The following DUSP16 variants were observed in gnomAD, a reference collection of about 807,000 sequenced individuals.
DUSP16 encodes dual specificity phosphatase 16, also known as dual specificity protein phosphatase 16.
A neutral mutation model predicts 58.3 loss-of-function variants in DUSP16; 21 were observed. That is an observed-to-expected ratio of 0.36 (90% CI 0.26 to 0.52). DUSP16 has a LOEUF of 0.52. Ranked by LOEUF, DUSP16 falls within the 20% of genes least tolerant of loss-of-function variation. DUSP16 has a pLI of 0.94. For missense variants in DUSP16, 726 were observed against 819.0 expected (o/e 0.89, Z 1.39); for synonymous variants, 320 against 323.8 (o/e 0.99, Z 0.12).
Position 12,486,572 on chromosome 12 carries a change from T to A in DUSP16, c.691+456A>T, listed in dbSNP as rs559154554. Reference sequence around the variant, plus strand: ...AAATTATTGGCATGTGGACCCCGGCTCAGAAACACTGACATAAAGACTTAA... The same window carrying A: ...AAATTATTGGCATGTGGACCCCGGCACAGAAACACTGACATAAAGACTTAA... On this transcript the variant is annotated intron_variant, in intron 5 of 6. Transcript: ENST00000298573. 9.2e-5 allele frequency among the ~76,000 whole-genome samples: 14 copies of A among 151,710 alleles called. No homozygotes were observed. In the East Asian group the frequency reaches 2.5e-3, roughly 27 times the overall value.
intron 1 of DUSP16, among the ~76,000 whole-genome samples, chr12:12,558,906 G>C (rs1180110874): frequency 1.3e-5 from 2 of 151,948 alleles, no homozygotes; most frequent in African/African-American, 4.8e-5. Context: ...CTTTGTACCT[G>C]TCCAAGGTAA....
chr12:12,558,576 G>T lies in DUSP16; in HGVS notation c.-366+3541C>A, dbSNP rs73275143. Reference sequence around the variant, plus strand: ...ATTTTTTGATTTTCTGTGGAAACAAGGTCTTTGTTGCCAGGGCTGTTCTCA... The same window carrying T: ...ATTTTTTGATTTTCTGTGGAAACAATGTCTTTGTTGCCAGGGCTGTTCTCA... On this transcript the variant is annotated intron_variant, in intron 1 of 6. Transcript: ENST00000298573. Among the ~76,000 whole-genome samples, 605 of 152,104 alleles carry T rather than the reference G, an allele frequency of 4.0e-3. 9 individuals are homozygous for T. Among genetic ancestry groups the T allele is most frequent in the African/African-American group, 0.014 (570 of 41,500 alleles).
At chr12:12,523,695 A>G (rs1248776567) in intron 1 of DUSP16, among the ~76,000 whole-genome samples, 1 of 152,248 alleles carries the variant, frequency 6.6e-6, no homozygotes. Flanking sequence ...AAACTTCTGC[A>G]AAGCGCCTAC....
chr12:12,501,525 T>C (rs1404658670), intron 3 of DUSP16, among the ~76,000 whole-genome samples: 2 of 152,114 alleles, frequency 1.3e-5, no homozygotes, highest in South Asian at 2.1e-4. Context: ...AAAGAAAAAA[T>C]GAGTAAGGTT....
At chr12:12,532,902 C>T (rs1360995872) in intron 1 of DUSP16, among the ~76,000 whole-genome samples, 6 of 149,734 alleles carry the variant, frequency 4.0e-5, no homozygotes, top group Non-Finnish European at 5.9e-5. Flanking sequence ...GAGCCGGGAT[C>T]GCTCCATTGC....
chr12:12,499,420 A>G (rs938452310), intron 4 of DUSP16, among the ~76,000 whole-genome samples: 11 of 152,366 alleles, frequency 7.2e-5, no homozygotes, highest in African/African-American at 2.6e-4. Context: ...CAGATCTCAC[A>G]GTAAAAGCAG....
chr12:12,475,931 A>G lies in DUSP16; in HGVS notation c.*902T>C, dbSNP rs997701077. ...TTCATCTTTATTTAAAGGATTGACA[A>G]TCCCATTTTAAACAATTCTTTGATT... On this transcript the variant is annotated 3_prime_UTR_variant, in exon 7 of 7. Coordinates refer to ENST00000298573, the MANE Select transcript of DUSP16 (RefSeq NM_030640.3). The G allele has an allele frequency of 2.6e-5, 4 of 152,220 alleles. No individual in the cohort carries two copies. The highest frequency in any genetic ancestry group is 5.9e-5 in the Non-Finnish European group (4 of 68,036). 9.4% of individuals were successfully genotyped at this position (152,220 alleles called of 1,614,324 possible).
chr12:12,527,998 A>C (rs931998322), intron 1 of DUSP16, among the ~76,000 whole-genome samples: 2 of 152,242 alleles, frequency 1.3e-5, no homozygotes, highest in Admixed American at 1.3e-4. Flanking sequence ...GCAGAGGCCA[A>C]ATCTGTGAGA....
intron 6 of DUSP16, among the ~76,000 whole-genome samples, chr12:12,478,483 C>A (rs963471187): frequency 6.6e-6 from 1 of 152,084 alleles, no homozygotes; most frequent in Non-Finnish European, 1.5e-5. Flanking sequence ...CAGGACTACA[C>A]GCTTGGCTAA....
At chr12:12,520,839 T>C in intron 2 of DUSP16, 32 bp downstream of exon 2, 4 of 1,609,728 alleles carry the variant, frequency 2.5e-6, no homozygotes, top group Non-Finnish European at 3.4e-6. Flanking sequence ...TGTGTCCATT[T>C]ATTTTGAAAA....
intron 5 of DUSP16, among the ~76,000 whole-genome samples, chr12:12,483,693 A>G (rs1943620511): frequency 6.6e-6 from 1 of 152,116 alleles, no homozygotes; most frequent in South Asian, 2.1e-4. Context: ...GAGGCTGTAT[A>G]TGTAGCCAGC....
intron 1 of DUSP16, among the ~76,000 whole-genome samples, chr12:12,531,224 A>G (rs536419398): frequency 6.6e-6 from 1 of 152,344 alleles, no homozygotes; most frequent in East Asian, 1.9e-4. Flanking sequence ...AGGCTCTAGG[A>G]GCAAGCAATG....
At chr12:12,486,901 G>T in intron 5 of DUSP16, 127 bp downstream of exon 5, 1 of 1,142,534 alleles carries the variant, frequency 8.8e-7, no homozygotes, top group Non-Finnish European at 1.3e-6. Context: ...ACCACGTGCT[G>T]TTTTCAGACT....
chr12:12,482,531 TAA>T (rs1437925904), intron 5 of DUSP16, among the ~76,000 whole-genome samples: 2 of 82,148 alleles, frequency 2.4e-5, no homozygotes, highest in African/African-American at 6.8e-5. Context: ...GCAAAGGAAT[TAA>T]TTTAACACAC....
chr12:12,536,911 T>C (rs944990038), intron 1 of DUSP16, among the ~76,000 whole-genome samples: 1 of 152,034 alleles, frequency 6.6e-6, no homozygotes, highest in African/African-American at 2.4e-5. Context: ...TGGTGGCGCA[T>C]TCCTGTAAGC....
In DUSP16 at chr12:12,562,722, C is replaced by A. The variant is rs1944926192; in HGVS notation, c.-971G>T. Reference sequence around the variant, plus strand: ...AGCCCCGGGGAAAGGAGGAGACAGGCGAGGGCAGGGCGGTGGGCGCCGGGC... The same window carrying A: ...AGCCCCGGGGAAAGGAGGAGACAGGAGAGGGCAGGGCGGTGGGCGCCGGGC... On this transcript the variant is annotated 5_prime_UTR_variant, in exon 1 of 7. Coordinates refer to ENST00000298573, the MANE Select transcript of DUSP16 (RefSeq NM_030640.3). Among the ~76,000 whole-genome samples, 1 of 151,526 alleles carries A rather than the reference C, an allele frequency of 6.6e-6. No individual in the cohort carries two copies. Among genetic ancestry groups the A allele is most frequent in the South Asian group, 2.1e-4 (1 of 4,834 alleles).
rs528407242 is a variant in DUSP16 at position 12,552,606 on chromosome 12, A to G, written c.-366+9511T>C. Among the ~76,000 whole-genome samples, 7 of 152,308 alleles carry G rather than the reference A, an allele frequency of 4.6e-5. No homozygotes were observed. In the South Asian group the frequency reaches 1.0e-3, roughly 23 times the overall value. ...CTTCACGTATTTCAACCAAAACAAC[A>G]TATCACAACAGATTGAATACAGGAG... is the stretch of plus-strand genomic sequence containing the variant. On this transcript the variant is annotated intron_variant, in intron 1 of 6. Coordinates refer to ENST00000298573, the MANE Select transcript of DUSP16 (RefSeq NM_030640.3).
At chr12:12,538,900 A>G (rs1944509649) in intron 1 of DUSP16, among the ~76,000 whole-genome samples, 1 of 152,240 alleles carries the variant, frequency 6.6e-6, no homozygotes, top group Admixed American at 6.5e-5. Context: ...AAATTCTAAC[A>G]TTTGCTAAAA....
At chr12:12,558,338 G>C (rs936911741) in intron 1 of DUSP16, among the ~76,000 whole-genome samples, 3 of 151,448 alleles carry the variant, frequency 2.0e-5, no homozygotes, top group Non-Finnish European at 4.4e-5. Flanking sequence ...TCTCATATAA[G>C]TAATGCTCAT....
Sources: allele counts gnomAD v4.1 joint callset (sites outside exome capture counted in the v4.1 genomes callset), GRCh38; gene constraint gnomAD v4.1.1; transcripts MANE v1.5; gene names NCBI Gene and HGNC (gene_info 2026-07-23, HGNC 2026-07-21).